The following VRK3 variants were observed in gnomAD, a reference collection of about 807,000 sequenced individuals.
VRK3 encodes serine/threonine-protein kinase VRK3.
Under a neutral mutation model 60.4 loss-of-function variants are expected in VRK3, and 50 were observed. The observed-to-expected ratio is 0.83, with a 90% confidence interval of 0.66 to 1.05. The LOEUF is 1.05. Ranked by LOEUF, VRK3 falls within the 50% of genes least tolerant of loss-of-function variation. VRK3 has a pLI of 0.00. For synonymous variants in VRK3, 246 were observed against 227.8 expected, an observed-to-expected ratio of 1.08 and a Z score of -0.72; for missense variants, 549 against 585.3, an observed-to-expected ratio of 0.94 and a Z score of 0.64.
chr19:50,018,678 G>C (rs544302587), intron 2 of VRK3, among the ~76,000 whole-genome samples: 1 of 152,256 alleles, frequency 6.6e-6, no homozygotes, highest in East Asian at 1.9e-4. Flanking sequence ...TTGTTGTCCT[G>C]CTAATAATAT....
intron 12 of VRK3, 110 bp from the exon 13 acceptor site, chr19:49,981,123 C>T: frequency 1.0e-6 from 1 of 997,512 alleles, no homozygotes; most frequent in Non-Finnish European, 1.5e-6. Context: ...ACAGTCCCCT[C>T]TGCCATCCAG....
chr19:49,990,026 A>AAT (rs1491414501), intron 10 of VRK3, among the ~76,000 whole-genome samples: 6 of 148,114 alleles, frequency 4.1e-5, no homozygotes, highest in African/African-American at 1.5e-4. Flanking sequence ...TCATTCCAAA[A>AAT]TTTTTTTTTT....
At chr19:49,979,310 C>G in intron 13 of VRK3, 68 bp from the exon 14 acceptor site, 1 of 1,602,532 alleles carries the variant, frequency 6.2e-7, no homozygotes, top group Non-Finnish European at 8.5e-7. Context: ...TCCTGGGGGT[C>G]TCCACCCAAG....
intron 1 of VRK3, among the ~76,000 whole-genome samples, chr19:50,024,179 C>T (rs1278884352): frequency 6.6e-6 from 1 of 152,152 alleles, no homozygotes; most frequent in East Asian, 1.9e-4. Context: ...CCCAGGTGAT[C>T]CGCCCACCTC....
At position 50,004,744 on chromosome 19, in the gene VRK3, TA is replaced by T. The variant is rs913039679; in HGVS notation, c.547+2824del. On this transcript the variant is annotated intron_variant, in intron 5 of 14. Transcript: ENST00000316763. ...GCAACACAGTGAGACTGTCTCTATT[TA>T]AAAAAAATTAAAAAATTAGCCTGGC... Among the ~76,000 whole-genome samples the T allele has an allele frequency of 6.5e-4, 99 of 151,548 alleles. 3 individuals carry two copies. Among genetic ancestry groups the T allele is most frequent in the Admixed American group, 7.2e-4 (11 of 15,210 alleles).
At chr19:49,983,986 C>T (rs759881519) in intron 12 of VRK3, among the ~76,000 whole-genome samples, 2 of 152,146 alleles carry the variant, frequency 1.3e-5, no homozygotes, top group Non-Finnish European at 2.9e-5. Context: ...TTACTGTTAT[C>T]CATGCTGCTA....
chr19:49,983,852 G>T (rs1171719075), intron 12 of VRK3, among the ~76,000 whole-genome samples: 1 of 152,196 alleles, frequency 6.6e-6, no homozygotes, highest in African/African-American at 2.4e-5. Context: ...TGGGCTAACA[G>T]ACTATGGGCT....
rs143186119 is a variant in VRK3 at position 50,009,369 on chromosome 19, C to T, written c.156G>A (p.Leu52=). The T allele has an allele frequency of 4.1e-4, 658 of 1,613,760 alleles. No homozygotes were observed. Among genetic ancestry groups the T allele is most frequent in the Admixed American group, 7.8e-4 (47 of 59,994 alleles). Residue 52 remains leucine (L), a synonymous_variant, in exon 4 of 15, where the codon CTG becomes CTA. Transcript: ENST00000316763. ...VSSFQGSKRG[L]NSSFETSPKK... The stretch of plus-strand genomic sequence containing the variant: ...TAGGAGAGGTTTCAAAACTGGAGTT[C>T]AGCCCTCTCTTTGAGCCTAAAGAAA...
chr19:50,018,494 T>C (rs55683678), intron 2 of VRK3, among the ~76,000 whole-genome samples: 7,989 of 152,184 alleles, frequency 0.052, 689 homozygotes, highest in African/African-American at 0.18. Context: ...CTGGATTCCT[T>C]TTCCTCAGGC....
intron 3 of VRK3, among the ~76,000 whole-genome samples, chr19:50,010,048 T>TATATATA (rs2076967684): frequency 1.3e-5 from 2 of 148,344 alleles, no homozygotes; most frequent in Admixed American, 6.9e-5. Flanking sequence ...AATAATTATT[T>TATATATA]TATATATATA....
intron 13 of VRK3, among the ~76,000 whole-genome samples, chr19:49,979,999 A>G (rs2076396390): frequency 1.3e-5 from 2 of 152,200 alleles, no homozygotes; most frequent in South Asian, 2.1e-4. Flanking sequence ...GCAGTGAGCC[A>G]AGATCACGCC....
intron 6 of VRK3, chr19:49,997,890 T>G: frequency 4.6e-6 from 1 of 215,260 alleles, no homozygotes. Context: ...CCAATGAGGA[T>G]GTGAGCAGAA....
Position 49,983,544 on chromosome 19 carries a change from T to A in VRK3, c.1218-2531A>T, listed in dbSNP as rs192635045. ...GCAACACCACTGCCACCACCTGCCA[T>A]GGGCTCTCCCTGGCCAGGTGGGCAG... is the stretch of plus-strand genomic sequence containing the variant. On this transcript the variant is annotated intron_variant, in intron 12 of 14. Transcript: ENST00000316763. 3.3e-5 allele frequency among the ~76,000 whole-genome samples: 5 copies of A among 152,352 alleles called. No individual in the cohort carries two copies. In the East Asian group the frequency reaches 5.8e-4, roughly 18 times the overall value.
chr19:49,997,424 C>G, intron 7 of VRK3, 80 bp downstream of exon 7: 1 of 1,507,628 alleles, frequency 6.6e-7, no homozygotes, highest in African/African-American at 1.4e-5. Flanking sequence ...CTTCTCATGC[C>G]TGCAGGTAGA....
intron 10 of VRK3, among the ~76,000 whole-genome samples, chr19:49,991,230 T>C (rs957765436): frequency 3.9e-5 from 6 of 152,160 alleles, no homozygotes; most frequent in Admixed American, 2.6e-4. Flanking sequence ...CAAGGCAGAT[T>C]ATTCTCCTTA....
intron 1 of VRK3, among the ~76,000 whole-genome samples, chr19:50,024,217 C>T (rs1230111824): frequency 6.6e-6 from 1 of 152,164 alleles, no homozygotes; most frequent in Non-Finnish European, 1.5e-5. Flanking sequence ...GGACTACAGG[C>T]GGGAGCCACC....
At chr19:50,000,534 G>C in intron 6 of VRK3, 1 of 539,906 alleles carries the variant, frequency 1.9e-6, no homozygotes, top group Non-Finnish European at 3.3e-6. Context: ...TGAGCTCTGA[G>C]GGGGATGGGC....
chr19:49,979,291 C>T (rs758302759), intron 13 of VRK3, 49 bp from the exon 14 acceptor site: 2 of 1,612,894 alleles, frequency 1.2e-6, no homozygotes, highest in Non-Finnish European at 1.7e-6. Flanking sequence ...AGGCATCCCC[C>T]AACCCCGATC....
intron 5 of VRK3, among the ~76,000 whole-genome samples, chr19:50,004,245 T>C (rs1423668267): frequency 6.6e-6 from 1 of 152,042 alleles, no homozygotes; most frequent in African/African-American, 2.4e-5. Context: ...CCTGGCTCTG[T>C]GTGTTTTCCT....
Sources: allele counts gnomAD v4.1 joint callset (sites outside exome capture counted in the v4.1 genomes callset), GRCh38; gene constraint gnomAD v4.1.1; transcripts MANE v1.5; gene names NCBI Gene and HGNC (gene_info 2026-07-23, HGNC 2026-07-21).